RBX1: variants seen among roughly 807,000 people sequenced by gnomAD.
RBX1 encodes E3 ubiquitin-protein ligase RBX1.
For synonymous variants in RBX1, 48 were observed against 47.9 expected (o/e 1.00, Z -0.01); for missense variants, 46 against 141.4 (o/e 0.33, Z 3.42).
At chr22:40,970,200 A>T (rs1470324646) in intron 4 of RBX1, among the ~76,000 whole-genome samples, 1 of 151,932 alleles carries the variant, frequency 6.6e-6, no homozygotes, top group African/African-American at 2.4e-5. Flanking sequence ...TACTAAAAAT[A>T]CAAAAATTAG....
At chr22:40,969,489 C>T (rs1334307503) in intron 4 of RBX1, among the ~76,000 whole-genome samples, 2 of 152,166 alleles carry the variant, frequency 1.3e-5, no homozygotes, top group African/African-American at 4.8e-5. Context: ...GTGGCTCACA[C>T]CTGTGATCCC....
intron 2 of RBX1, among the ~76,000 whole-genome samples, chr22:40,956,531 A>G (rs567838523): frequency 7.4e-4 from 110 of 148,870 alleles, no homozygotes; most frequent in Middle Eastern, 3.5e-3. Flanking sequence ...TTGTATTTTT[A>G]TGAGAGACAG....
intron 4 of RBX1, among the ~76,000 whole-genome samples, chr22:40,968,326 A>G (rs969404645): frequency 4.6e-5 from 7 of 152,112 alleles, no homozygotes; most frequent in African/African-American, 1.7e-4. Context: ...CCTGATCTCA[A>G]CTGATCTGCC....
intron 2 of RBX1, among the ~76,000 whole-genome samples, chr22:40,957,376 TG>T (rs2058328551): frequency 6.6e-6 from 1 of 150,762 alleles, no homozygotes; most frequent in Non-Finnish European, 1.5e-5. Flanking sequence ...CCAGGTGAGG[TG>T]GGTCACACCT....
Position 40,967,702 on chromosome 22 carries a change from T to G in RBX1, c.229-97T>G. The G allele has an allele frequency of 1.0e-5, 9 of 859,300 alleles. No individual in the cohort carries two copies. The South Asian group carries it at 1.5e-4, about 14-fold the overall frequency. The allele number at this position is 859,300 out of a possible 1,614,324, so 53.2% of individuals were successfully genotyped here. The stretch of plus-strand genomic sequence containing the variant: ...TGTCTTCTTTTCTTTTCTTGCCCAC[T>G]ATATGTCACCCATGCCACTACCCTG... On this transcript the variant is annotated intron_variant, in intron 3 of 4. Transcript: ENST00000216225.
chr22:40,954,761 G>A (rs997172799), intron 2 of RBX1, among the ~76,000 whole-genome samples: 7 of 150,838 alleles, frequency 4.6e-5, no homozygotes, highest in Non-Finnish European at 7.4e-5. Flanking sequence ...AACTGACCAC[G>A]GTGGCCAAAG....
intron 4 of RBX1, among the ~76,000 whole-genome samples, chr22:40,972,086 G>A (rs1045734888): frequency 6.6e-6 from 1 of 152,134 alleles, no homozygotes. Flanking sequence ...AAAATAGGCC[G>A]CCATGATCAG....
chr22:40,972,029 C>T (rs1187472461), intron 4 of RBX1, among the ~76,000 whole-genome samples: 1 of 152,190 alleles, frequency 6.6e-6, no homozygotes, highest in African/African-American at 2.4e-5. Flanking sequence ...TTGCTATTCT[C>T]ATTATTAGCT....
chr22:40,957,614 G>C (rs968770591), intron 2 of RBX1, among the ~76,000 whole-genome samples: 7 of 152,190 alleles, frequency 4.6e-5, no homozygotes, highest in Admixed American at 4.6e-4. Flanking sequence ...CTCCAGCCTA[G>C]GTGAGAGAGT....
chr22:40,957,835 T>A (rs1487167053), intron 2 of RBX1, among the ~76,000 whole-genome samples: 1 of 151,902 alleles, frequency 6.6e-6, no homozygotes, highest in East Asian at 1.9e-4. Context: ...AGCTAATTTT[T>A]TTTTTTTGGA....
intron 2 of RBX1, among the ~76,000 whole-genome samples, chr22:40,954,753 C>G (rs1038743402): frequency 6.7e-6 from 1 of 148,876 alleles, no homozygotes; most frequent in African/African-American, 2.5e-5. Context: ...TTTTTTTTAA[C>G]TGACCACGGT....
intron 4 of RBX1, among the ~76,000 whole-genome samples, chr22:40,971,322 G>C (rs1396694178): frequency 6.6e-6 from 1 of 152,058 alleles, no homozygotes; most frequent in Non-Finnish European, 1.5e-5. Context: ...ACATGCTAGA[G>C]CCTAACCTAT....
intron 2 of RBX1, among the ~76,000 whole-genome samples, chr22:40,958,567 C>T (rs1220537210): frequency 6.6e-6 from 1 of 152,106 alleles, no homozygotes; most frequent in Non-Finnish European, 1.5e-5. Flanking sequence ...TCTGCATGCC[C>T]TCCTGTACCT....
intron 3 of RBX1, chr22:40,966,210 A>G (rs1200244716): frequency 1.3e-5 from 2 of 152,270 alleles, no homozygotes; most frequent in Non-Finnish European, 2.9e-5. Context: ...TAAACTGTCA[A>G]GTACTATAAA....
At chr22:40,959,646 A>ACT (rs1258350135) in intron 2 of RBX1, among the ~76,000 whole-genome samples, 1 of 152,098 alleles carries the variant, frequency 6.6e-6, no homozygotes, top group African/African-American at 2.4e-5. Context: ...CCCCATCTCT[A>ACT]CTAAAAATAC....
At chr22:40,951,578 G>A (rs1409405405) in intron 1 of RBX1, 102 bp downstream of exon 1, 16 of 1,088,720 alleles carry the variant, frequency 1.5e-5, no homozygotes, top group Middle Eastern at 2.0e-4. Flanking sequence ...TTTCATTTCA[G>A]GGCGTTCCTG....
At chr22:40,955,106 G>A (rs984527547) in intron 2 of RBX1, among the ~76,000 whole-genome samples, 2 of 152,002 alleles carry the variant, frequency 1.3e-5, no homozygotes, top group Non-Finnish European at 2.9e-5. Flanking sequence ...ATTCTTAAGT[G>A]TCCATGCTCT....
chr22:40,967,908 C>T (rs781041078), intron 4 of RBX1, 24 bp downstream of exon 4: 25 of 1,548,844 alleles, frequency 1.6e-5, no homozygotes, highest in African/African-American at 2.7e-5. Context: ...GTTGTTTTGA[C>T]GGGGCTTTTT....
At chr22:40,957,488 A>G (rs2058328831) in intron 2 of RBX1, among the ~76,000 whole-genome samples, 1 of 151,544 alleles carries the variant, frequency 6.6e-6, no homozygotes, top group South Asian at 2.1e-4. Context: ...TCTACAAAAA[A>G]TTAGCCAGGC....
Sources: gnomAD v4.1 joint callset for allele counts (sites outside exome capture counted in the v4.1 genomes callset) on GRCh38, gnomAD v4.1.1 for gene constraint, MANE v1.5 for transcripts, NCBI Gene and HGNC (gene_info 2026-07-23, HGNC 2026-07-21) for gene names.